The following TMCO5A variants were observed in gnomAD, a reference collection of about 807,000 sequenced individuals.
The protein encoded by TMCO5A is transmembrane and coiled-coil domain-containing protein 5A.
Under a neutral mutation model 42.3 loss-of-function variants are expected in TMCO5A, and 34 were observed. The observed-to-expected ratio is 0.80, with a 90% confidence interval of 0.61 to 1.07. TMCO5A has a LOEUF of 1.07. Among genes scored for constraint, TMCO5A ranks in the 50% least tolerant of loss-of-function variants. The pLI is 0.00. For missense variants in TMCO5A, 357 were observed against 327.9 expected, an observed-to-expected ratio of 1.09 and a Z score of -0.69; for synonymous variants, 131 against 115.6, an observed-to-expected ratio of 1.13 and a Z score of -0.86.
downstream of TMCO5A, among the ~76,000 whole-genome samples, chr15:37,953,041 T>G (rs1191318005): frequency 6.6e-6 from 1 of 152,144 alleles, no homozygotes; most frequent in Non-Finnish European, 1.5e-5. Context: ...CTACCTTATC[T>G]GCAGTACAGT....
Position 37,936,368 on chromosome 15 carries a change from T to A in TMCO5A, c.45T>A (p.Ser15Arg). 2 of 1,612,914 alleles carry A rather than the reference T, an allele frequency of 1.2e-6. No homozygotes were observed. Among genetic ancestry groups the A allele is most frequent in the Non-Finnish European group, 1.7e-6 (2 of 1,179,338 alleles). The change falls in exon 3 of 12, where the codon AGT becomes AGA. Residue 15 changes from serine to arginine, a missense_variant. Transcript: ENST00000319669. ...CTCAGTCAAAAAGAAACATTATCAGTTTGAACATGGACCTTGAAAGGGATA... is the reference window on the plus strand; with the variant it reads ...CTCAGTCAAAAAGAAACATTATCAGATTGAACATGGACCTTGAAAGGGATA... The part of the protein sequence containing the change: ...RLAQSKRNII[S>R]LNMDLERDTQ...
At chr15:37,956,642 G>A in intron 11 of TMCO5A, 1 of 168,512 alleles carries the variant, frequency 5.9e-6, no homozygotes. Flanking sequence ...TGGATTCCCA[G>A]CCAAATTCTA....
chr15:37,941,819 C>A, intron 8 of TMCO5A, 89 bp downstream of exon 8: 1 of 1,119,608 alleles, frequency 8.9e-7, no homozygotes, highest in Non-Finnish European at 1.4e-6. Context: ...CTGTCCAGAG[C>A]AATTTCAACA....
Position 37,941,137 on chromosome 15 carries a change from T to C in TMCO5A, c.388-12T>C. The C allele has an allele frequency of 6.2e-7, 1 of 1,613,038 alleles. No homozygotes were observed. The highest frequency in any genetic ancestry group is 8.5e-7 in the Non-Finnish European group (1 of 1,179,420). On this transcript the variant is annotated splice_polypyrimidine_tract_variant and intron_variant, in intron 6 of 11. Coordinates refer to ENST00000319669, the MANE Select transcript of TMCO5A (RefSeq NM_152453.4). ...ACCTTGCCAAGTTAGCAGTCTCTTTTGCTTTCTTTAGGTTAAGTTACAACA... is the reference window on the plus strand; with the variant it reads ...ACCTTGCCAAGTTAGCAGTCTCTTTCGCTTTCTTTAGGTTAAGTTACAACA...
downstream of TMCO5A, among the ~76,000 whole-genome samples, chr15:37,953,949 G>A (rs1374937292): frequency 6.6e-6 from 1 of 151,780 alleles, no homozygotes; most frequent in African/African-American, 2.4e-5. Context: ...TTTAATAGCA[G>A]AATTGATCAA....
the TMCO5A span, among the ~76,000 whole-genome samples, chr15:38,012,048 T>C: frequency 6.6e-6 from 1 of 151,222 alleles, no homozygotes; most frequent in Non-Finnish European, 1.5e-5. Context: ...GGCATGAACC[T>C]GGGAGGCGGA....
downstream of TMCO5A, among the ~76,000 whole-genome samples, chr15:37,951,953 G>T (rs886862015): frequency 1.3e-5 from 2 of 152,082 alleles, no homozygotes. Context: ...GGTGAGGAGA[G>T]AAAGACTGCA....
At chr15:37,935,570 G>C (rs1184400570) in intron 2 of TMCO5A, among the ~76,000 whole-genome samples, 3 of 152,040 alleles carry the variant, frequency 2.0e-5, no homozygotes, top group Admixed American at 6.6e-5. Flanking sequence ...TGTGCTAATA[G>C]TGGTTAATCA....
chr15:38,036,407 C>A, the TMCO5A span, among the ~76,000 whole-genome samples: 2 of 151,948 alleles, frequency 1.3e-5, no homozygotes, highest in South Asian at 2.1e-4. Context: ...CCACACCCAG[C>A]CTACAACATC....
At chr15:37,941,823 T>G in intron 8 of TMCO5A, 93 bp downstream of exon 8, 1 of 1,078,316 alleles carries the variant, frequency 9.3e-7, no homozygotes, top group East Asian at 2.4e-5. Context: ...CCAGAGCAAT[T>G]TCAACAGTTC....
At chr15:38,037,089 C>T in the TMCO5A span, among the ~76,000 whole-genome samples, 1 of 152,194 alleles carries the variant, frequency 6.6e-6, no homozygotes, top group East Asian at 1.9e-4. Flanking sequence ...GACTGAAAAT[C>T]AGCTCAGTCA....
the TMCO5A span, among the ~76,000 whole-genome samples, chr15:38,005,809 A>G: frequency 6.6e-6 from 1 of 152,150 alleles, no homozygotes; most frequent in African/African-American, 2.4e-5. Context: ...AGGTCATATG[A>G]ACTTTAGAAA....
chr15:37,988,749 T>A, the TMCO5A span, among the ~76,000 whole-genome samples: 1 of 152,156 alleles, frequency 6.6e-6, no homozygotes, highest in East Asian at 1.9e-4. Flanking sequence ...TTTAGTTTGC[T>A]AGTATTTTGT....
the TMCO5A span, among the ~76,000 whole-genome samples, chr15:37,975,183 T>C: frequency 0.027 from 4,102 of 152,094 alleles, 215 homozygotes; most frequent in African/African-American, 0.096. Flanking sequence ...TTGGTGTATG[T>C]GCCCATGCAA....
chr15:37,959,734 T>C (rs189065489), intron 11 of TMCO5A, among the ~76,000 whole-genome samples: 11 of 152,174 alleles, frequency 7.2e-5, no homozygotes, highest in African/African-American at 2.4e-4. Flanking sequence ...AGTATCATAC[T>C]GAATAAGGAA....
chr15:38,003,376 G>A, the TMCO5A span, among the ~76,000 whole-genome samples: 2,140 of 152,018 alleles, frequency 0.014, 57 homozygotes, highest in African/African-American at 0.049. Context: ...CTCAAGGCCC[G>A]CAGTTACCAC....
the TMCO5A span, among the ~76,000 whole-genome samples, chr15:38,034,831 A>C: frequency 1.3e-5 from 2 of 152,174 alleles, no homozygotes; most frequent in Non-Finnish European, 2.9e-5. Context: ...AAGTGACCCC[A>C]TGTGGCTCTC....
the TMCO5A span, chr15:38,040,818 T>C: frequency 6.6e-6 from 1 of 152,320 alleles, no homozygotes; most frequent in South Asian, 2.1e-4. Flanking sequence ...GGAACAATGC[T>C]AATGGGTAAG....
downstream of TMCO5A, among the ~76,000 whole-genome samples, chr15:37,956,025 T>C (rs897175397): frequency 2.6e-5 from 4 of 152,018 alleles, no homozygotes; most frequent in Non-Finnish European, 5.9e-5. Context: ...AAGGTAGAAA[T>C]AAACAAGTTC....
Sources: gnomAD v4.1 joint callset for allele counts (sites outside exome capture counted in the v4.1 genomes callset) on GRCh38, gnomAD v4.1.1 for gene constraint, MANE v1.5 for transcripts, NCBI Gene and HGNC (gene_info 2026-07-23, HGNC 2026-07-21) for gene names.